OPA3: variants seen among roughly 807,000 people sequenced by gnomAD.
The protein encoded by OPA3 is optic atrophy 3 protein.
Under a neutral mutation model 4.0 loss-of-function variants are expected in OPA3, and 6 were observed. The observed-to-expected ratio is 1.51, with a 90% CI of 0.83 to 2.99. The LOEUF (loss-of-function observed/expected upper bound fraction) is 2.99. Among genes scored for constraint, OPA3 ranks in the 30% most tolerant of loss-of-function variants. The pLI, the probability that OPA3 is intolerant of heterozygous loss-of-function variation, is 0.00. For synonymous variants in OPA3, 105 were observed against 117.1 expected (o/e 0.90, Z 0.67); for missense variants, 235 against 256.2 (o/e 0.92, Z 0.56).
chr19:45,557,101 C>G (rs16979888), intron 1 of OPA3, among the ~76,000 whole-genome samples: 7,904 of 152,210 alleles, frequency 0.052, 671 homozygotes, highest in African/African-American at 0.18. Context: ...GGTGAGGGTT[C>G]CAGATCCTCT....
intron 1 of OPA3, among the ~76,000 whole-genome samples, chr19:45,535,949 G>A (rs1190316570): frequency 6.6e-6 from 1 of 151,670 alleles, no homozygotes; most frequent in African/African-American, 2.4e-5. Flanking sequence ...TTTTCTTGCC[G>A]GGTGTGATGG....
At chr19:45,570,145 T>G (rs1362995543) in intron 1 of OPA3, among the ~76,000 whole-genome samples, 4 of 152,178 alleles carry the variant, frequency 2.6e-5, no homozygotes, top group African/African-American at 9.7e-5. Flanking sequence ...TTCCCTGGGA[T>G]GCACTCAGGT....
rs58537694 is a variant in OPA3, at chr19:45,548,790, CTTATTTAT to C, written c.*4716_*4723del. 449 of 547,580 alleles carry C rather than the reference CTTATTTAT, an allele frequency of 8.2e-4. 2 individuals are homozygous for C. The highest frequency in any genetic ancestry group is 7.9e-3 in the African/African-American group (368 of 46,302). 33.9% of individuals were successfully genotyped at this position (547,580 alleles called of 1,614,324 possible). A position where few individuals can be genotyped will look rare whatever the true frequency, so the allele number is the denominator to read the frequency against. Reference sequence around the variant, plus strand: ...TATTTTTCCTAAGGTTGACATGGACCTTATTTATTTATTTATTTATTTATTTATTTAGA... The same window carrying C: ...TATTTTTCCTAAGGTTGACATGGACCTTATTTATTTATTTATTTATTTAGA... On this transcript the variant is annotated 3_prime_UTR_variant, in exon 2 of 2. Coordinates refer to ENST00000263275, the MANE Select transcript of OPA3 (RefSeq NM_025136.4).
Position 45,548,469 on chromosome 19 carries a change from G to A in OPA3, c.*5045C>T, listed in dbSNP as rs573380409. ...TGAGTCACTCCAGAGGGAGGATTCCGGATTCAGCCCAGCCCCTGCTTCCTA... is the reference window on the plus strand; with the variant it reads ...TGAGTCACTCCAGAGGGAGGATTCCAGATTCAGCCCAGCCCCTGCTTCCTA... On this transcript the variant is annotated 3_prime_UTR_variant, in exon 2 of 2. Transcript: ENST00000263275. The A allele has an allele frequency of 1.1e-4, 105 of 985,420 alleles. No homozygotes were observed. In the Middle Eastern group the frequency reaches 1.6e-3, roughly 15 times the overall value. 61.0% of individuals were successfully genotyped at this position (985,420 alleles called of 1,614,324 possible).
exon 2 of OPA3, chr19:45,528,851 G>C: frequency 1.7e-6 from 1 of 573,570 alleles, no homozygotes; most frequent in Non-Finnish European, 3.0e-6. Context: ...ACCTGCAGGA[G>C]GCGGAGAGTC....
chr19:45,536,846 C>T (rs1427018580), intron 1 of OPA3, among the ~76,000 whole-genome samples: 1 of 152,024 alleles, frequency 6.6e-6, no homozygotes, highest in Non-Finnish European at 1.5e-5. Context: ...AAAAAATAAA[C>T]CTTAACATCT....
Position 45,584,569 on chromosome 19 carries a change from C to G in OPA3, c.142+54G>C, listed in dbSNP as rs538096384. On this transcript the variant is annotated intron_variant, in intron 1 of 1. Coordinates refer to ENST00000263275, the MANE Select transcript of OPA3 (RefSeq NM_025136.4). ...AGAAGTCCATCCCCTAAGCAACCACCTGACAGGGGTTGGAGAAAGGAAAAA... is the reference window on the plus strand; with the variant it reads ...AGAAGTCCATCCCCTAAGCAACCACGTGACAGGGGTTGGAGAAAGGAAAAA... 3.4e-4 allele frequency: 545 copies of G among 1,613,420 alleles called. 5 individuals carry two copies. Among genetic ancestry groups the G allele is most frequent in the Middle Eastern group, 1.7e-3 (10 of 6,052 alleles).
rs2122421118 is a variant in OPA3 at position 45,549,392 on chromosome 19, A to C, written c.*4122T>G. 1.0e-6 allele frequency: 1 copy of C among 985,034 alleles called. No homozygotes were observed. The highest frequency in any genetic ancestry group is 1.1e-4 in the East Asian group (1 of 8,772). 61.0% of individuals were successfully genotyped at this position (985,034 alleles called of 1,614,324 possible). On this transcript the variant is annotated 3_prime_UTR_variant, in exon 2 of 2. Transcript: ENST00000263275. ...GCAGGGCAGGGCAGGGCTGAGTGCGAAGTCTCTGAGATGTGAGAGCAGCAC... is the reference window on the plus strand; with the variant it reads ...GCAGGGCAGGGCAGGGCTGAGTGCGCAGTCTCTGAGATGTGAGAGCAGCAC...
chr19:45,577,117 G>T (rs923720383), intron 1 of OPA3, among the ~76,000 whole-genome samples: 2 of 152,114 alleles, frequency 1.3e-5, no homozygotes, highest in African/African-American at 4.8e-5. Context: ...CTTTACTTTT[G>T]GGTTAAAATA....
In OPA3 at chr19:45,549,929, G is replaced by C. The variant is rs1383514204; in HGVS notation, c.*3585C>G. On this transcript the variant is annotated 3_prime_UTR_variant, in exon 2 of 2. Transcript: ENST00000263275. ...TCCCAGCACTTTGGGAGGCCGAGGCGGGCGGATTACCTGAGGTCAGGAGTT... is the reference window on the plus strand; with the variant it reads ...TCCCAGCACTTTGGGAGGCCGAGGCCGGCGGATTACCTGAGGTCAGGAGTT... 2 of 949,128 alleles carry C rather than the reference G, an allele frequency of 2.1e-6. No individual in the cohort carries two copies. Among genetic ancestry groups the C allele is most frequent in the Admixed American group, 1.2e-4 (2 of 16,194 alleles). 58.8% of individuals were successfully genotyped at this position (949,128 alleles called of 1,614,324 possible). A position where few individuals can be genotyped will look rare whatever the true frequency, so the allele number is the denominator to read the frequency against.
chr19:45,545,168 A>AG (rs1281606477), downstream of OPA3, among the ~76,000 whole-genome samples: 1 of 143,824 alleles, frequency 7.0e-6, no homozygotes, highest in Non-Finnish European at 1.5e-5. Flanking sequence ...CCGTCTCAAA[A>AG]AAAAAAAAAA....
rs1318212868 is a variant in OPA3 at position 45,550,970 on chromosome 19, T to C, written c.*2544A>G. On this transcript the variant is annotated 3_prime_UTR_variant, in exon 2 of 2. Coordinates refer to ENST00000263275, the MANE Select transcript of OPA3 (RefSeq NM_025136.4). ...GGGGTTGGCAGGAGTCCCAGGGTAC[T>C]TTTTTTCTGAGAAAGGGTCTCACTC... 2 of 984,604 alleles carry C rather than the reference T, an allele frequency of 2.0e-6. No individual in the cohort carries two copies. The allele number at this position is 984,604 out of a possible 1,614,324, so 61.0% of individuals were successfully genotyped here.
At chr19:45,571,007 T>C (rs548049970) in intron 1 of OPA3, among the ~76,000 whole-genome samples, 17 of 149,722 alleles carry the variant, frequency 1.1e-4, no homozygotes, top group African/African-American at 3.7e-4. Context: ...TAAATAAGTT[T>C]ATTTTAAAAA....
At position 45,551,598 on chromosome 19, in the gene OPA3, G is replaced by A. The variant is rs909767480; in HGVS notation, c.*1916C>T. On this transcript the variant is annotated 3_prime_UTR_variant, in exon 2 of 2. Coordinates refer to ENST00000263275, the MANE Select transcript of OPA3 (RefSeq NM_025136.4). ...GTCAGCACCTTGGTTTCAGACTTCT[G>A]GACTCCAGAACTGTGTGAATTAAAT... 3.3e-6 allele frequency: 2 copies of A among 611,464 alleles called. No homozygotes were observed. Among genetic ancestry groups the A allele is most frequent in the African/African-American group, 4.0e-5 (2 of 49,926 alleles). 37.9% of individuals were successfully genotyped at this position (611,464 alleles called of 1,614,324 possible).
At chr19:45,532,543 G>C (rs1308401296) in intron 1 of OPA3, among the ~76,000 whole-genome samples, 4 of 151,894 alleles carry the variant, frequency 2.6e-5, no homozygotes, top group African/African-American at 4.8e-5. Context: ...TCCCAGTCTG[G>C]AACGCCACCC....
At chr19:45,559,343 C>G (rs1043796992) in intron 1 of OPA3, among the ~76,000 whole-genome samples, 1 of 144,690 alleles carries the variant, frequency 6.9e-6, no homozygotes, top group African/African-American at 2.6e-5. Flanking sequence ...GTCTTTCTTT[C>G]TTTCTTTTCT....
intron 1 of OPA3, among the ~76,000 whole-genome samples, chr19:45,564,391 T>C (rs1969552163): frequency 6.6e-6 from 1 of 152,128 alleles, no homozygotes; most frequent in Non-Finnish European, 1.5e-5. Flanking sequence ...GCAAAGTGAC[T>C]GAGGGTGGGG....
Position 45,537,214 on chromosome 19 carries a change from A to G in OPA3, c.143-7758T>C, listed in dbSNP as rs1042463874. On this transcript the variant is annotated intron_variant, in intron 1 of 1. Coordinates refer to the OPA3 transcript ENST00000323060. ...TTTGTTTGTTTGTTTTTTGAAATGGAGTCTCGCTCTGTCGCCCAGGCTGGA... is the reference window on the plus strand; with the variant it reads ...TTTGTTTGTTTGTTTTTTGAAATGGGGTCTCGCTCTGTCGCCCAGGCTGGA... Among the ~76,000 whole-genome samples, 252 of 151,866 alleles carry G rather than the reference A, an allele frequency of 1.7e-3. 1 individual carries two copies. The highest frequency in any genetic ancestry group is 5.9e-3 in the African/African-American group (246 of 41,454).
intron 1 of OPA3, among the ~76,000 whole-genome samples, chr19:45,581,771 C>T (rs545692995): frequency 9.9e-5 from 15 of 152,272 alleles, no homozygotes; most frequent in African/African-American, 3.6e-4. Context: ...GAGTAATTCA[C>T]GCAGAGTTGG....
Sources: allele counts gnomAD v4.1 joint callset (sites outside exome capture counted in the v4.1 genomes callset), GRCh38; gene constraint gnomAD v4.1.1; transcripts MANE v1.5; gene names NCBI Gene and HGNC (gene_info 2026-07-23, HGNC 2026-07-21).